The following SVIL variants were observed in gnomAD, a reference collection of about 807,000 sequenced individuals.
The protein encoded by SVIL is supervillin, also known as archvillin.
In SVIL, 101 loss-of-function variants were observed where a neutral mutation model predicts 240.4. The ratio of observed to expected loss-of-function variants is 0.42; its 90% CI spans 0.36 to 0.50. The LOEUF is 0.50. Among genes scored for constraint, SVIL ranks in the 20% least tolerant of loss-of-function variants. The probability of loss-of-function intolerance (pLI) is 0.01; values close to 1 mark genes in which losing one functional copy is unlikely to be tolerated. For synonymous variants in SVIL, 999 were observed against 1,100.0 expected (o/e 0.91, Z 1.82); for missense variants, 2,512 against 2,818.7 (o/e 0.89, Z 2.46).
At chr10:29,533,560 G>A (rs1160046542) in intron 7 of SVIL, 102 bp from the exon 8 acceptor site, 10 of 1,456,328 alleles carry the variant, frequency 6.9e-6, no homozygotes, top group Admixed American at 2.6e-5. Flanking sequence ...AAACTGACCT[G>A]AGAGAGAATA....
intron 1 of SVIL, among the ~76,000 whole-genome samples, chr10:29,702,857 T>C (rs1962624247): frequency 6.6e-6 from 1 of 152,188 alleles, no homozygotes; most frequent in Non-Finnish European, 1.5e-5. Flanking sequence ...AGTTGCCTCC[T>C]TTGACTTCAG....
At chr10:29,601,314 AAATTAT>A (rs1157513545) in intron 1 of SVIL, among the ~76,000 whole-genome samples, 2 of 152,248 alleles carry the variant, frequency 1.3e-5, no homozygotes, top group African/African-American at 4.8e-5. Flanking sequence ...CTGAAACTGA[AAATTAT>A]AAAGCTTAAA....
At chr10:29,490,825 G>C (rs1238092487) in intron 22 of SVIL, 22 bp downstream of exon 22, 5 of 1,611,970 alleles carry the variant, frequency 3.1e-6, no homozygotes, top group African/African-American at 1.3e-5. Context: ...CACAGAAGCA[G>C]GGTGGGGGTT....
Position 29,530,404 on chromosome 10 carries a change from G to A in SVIL, c.2106+203C>T, listed in dbSNP as rs1273832498. On this transcript the variant is annotated intron_variant, in intron 11 of 37. Transcript: ENST00000355867. ...CAGGAGGGCCTTAGCATGCCCAGAG[G>A]TGCATGAAGTAGGCTGGGTCCACAA... 5.3e-5 allele frequency among the ~76,000 whole-genome samples: 8 copies of A among 152,108 alleles called. No individual in the cohort carries two copies. In the South Asian group the frequency reaches 8.3e-4, roughly 16 times the overall value.
chr10:29,473,851 T>C lies in SVIL; in HGVS notation c.5516A>G (p.Glu1839Gly). ...SALMTVELDE[E>G]RGAQVQVLQG... ...CCCAGGACTCACCTGGGCCCCCCTT[T>C]CCTCGTCCAGCTCCACCGTCATCAG... The change falls in exon 30 of 38, where the codon GAA (glutamate) becomes GGA (glycine). Residue 1839 changes from glutamate to glycine, a missense_variant. By Grantham distance (98) the Glu-to-Gly change is moderately conservative. Transcript: ENST00000355867. The C allele has an allele frequency of 6.2e-7, 1 of 1,613,844 alleles. No homozygotes were observed. Among genetic ancestry groups the C allele is most frequent in the Non-Finnish European group, 8.5e-7 (1 of 1,179,940 alleles).
rs767296248 is a variant in SVIL at position 29,467,725 on chromosome 10, T to G, written c.5977+17A>C. 6.2e-7 allele frequency: 1 copy of G among 1,613,610 alleles called. No homozygotes were observed. The highest frequency in any genetic ancestry group is 2.2e-5 in the East Asian group (1 of 44,870). On this transcript the variant is annotated intron_variant, in intron 33 of 37. Transcript: ENST00000355867. ...CAAACAAAAAAACCAGATCGCAGAC[T>G]GTGGATGCCACATTACCTTGAAGCA...
chr10:29,559,829 A>G (rs1490076749), intron 3 of SVIL, among the ~76,000 whole-genome samples: 3 of 152,238 alleles, frequency 2.0e-5, no homozygotes, highest in African/African-American at 7.2e-5. Flanking sequence ...GAAATTTGAT[A>G]GCAGAGCTAT....
At position 29,473,905 on chromosome 10, in the gene SVIL, G is replaced by C; in HGVS notation, c.5462C>G (p.Ser1821Cys). Reference sequence around the variant, plus strand: ...CGACGTGCCCTTCTCACTCACGGTGGAGTGCCGGCCTTGCCAGAAGAAGTA... The same window carrying C: ...CGACGTGCCCTTCTCACTCACGGTGCAGTGCCGGCCTTGCCAGAAGAAGTA... ...CVYFFWQGRH[S>C]TVSEKGTSAL... Residue 1821 changes from serine to cysteine, a missense_variant, in exon 30 of 38, where the codon TCC becomes TGC. By Grantham distance (112) the Ser-to-Cys change is moderately radical. Transcript: ENST00000355867. The C allele has an allele frequency of 3.1e-6, 5 of 1,614,022 alleles. No individual in the cohort carries two copies. Among genetic ancestry groups the C allele is most frequent in the Non-Finnish European group, 4.2e-6 (5 of 1,180,002 alleles).
chr10:29,547,570 A>G (rs532342687), intron 6 of SVIL, among the ~76,000 whole-genome samples: 1 of 152,338 alleles, frequency 6.6e-6, no homozygotes, highest in Admixed American at 6.5e-5. Context: ...ACAGGCCTAA[A>G]TATGTCAACA....
chr10:29,654,962 C>A (rs773518150), intron 3 of SVIL, among the ~76,000 whole-genome samples: 16 of 152,174 alleles, frequency 1.1e-4, no homozygotes, highest in Non-Finnish European at 1.9e-4. Flanking sequence ...AGTGATCACC[C>A]ACATGGAGGG....
At chr10:29,678,633 T>C (rs1960389030) in intron 2 of SVIL, among the ~76,000 whole-genome samples, 1 of 152,218 alleles carries the variant, frequency 6.6e-6, no homozygotes, top group Non-Finnish European at 1.5e-5. Context: ...TGTATGTTGA[T>C]TTAGCCAAGA....
chr10:29,516,855 C>G (rs184536852), intron 16 of SVIL, among the ~76,000 whole-genome samples: 15 of 152,326 alleles, frequency 9.8e-5, no homozygotes, highest in Admixed American at 7.2e-4. Flanking sequence ...TTGTTGAGAA[C>G]AAGGACATCA....
chr10:29,479,659 A>T (rs1016868344), intron 29 of SVIL, among the ~76,000 whole-genome samples: 2 of 152,202 alleles, frequency 1.3e-5, no homozygotes, highest in Non-Finnish European at 2.9e-5. Context: ...TGATGAATAG[A>T]TGCATCTTGT....
intron 29 of SVIL, among the ~76,000 whole-genome samples, chr10:29,474,209 G>T (rs1945912345): frequency 6.6e-6 from 1 of 152,178 alleles, no homozygotes; most frequent in Admixed American, 6.5e-5. Context: ...CTTCCCACAG[G>T]GAGAAAAGGG....
intron 1 of SVIL, among the ~76,000 whole-genome samples, chr10:29,608,753 T>C (rs1009584089): frequency 7.2e-5 from 11 of 152,198 alleles, no homozygotes; most frequent in Admixed American, 3.3e-4. Flanking sequence ...TCAGTGCAGA[T>C]AGCCTGCGTG....
chr10:29,702,206 CT>C (rs1962571376), intron 1 of SVIL, among the ~76,000 whole-genome samples: 1 of 140,332 alleles, frequency 7.1e-6, no homozygotes, highest in Admixed American at 7.1e-5. Flanking sequence ...AAGTAAAGAG[CT>C]TTAAAAGTGT....
chr10:29,482,468 TAATA>T (rs1946991331), intron 27 of SVIL, among the ~76,000 whole-genome samples: 1 of 152,198 alleles, frequency 6.6e-6, no homozygotes, highest in Admixed American at 6.5e-5. Context: ...TCCAATTAAT[TAATA>T]GACATAGGGA....
intron 22 of SVIL, 146 bp downstream of exon 22, chr10:29,490,701 T>C: frequency 2.3e-6 from 2 of 863,020 alleles, no homozygotes; most frequent in Middle Eastern, 3.1e-4. Flanking sequence ...CGTGCACATG[T>C]ATGTGCAAAC....
At chr10:29,522,039 G>A (rs1351394218) in intron 16 of SVIL, among the ~76,000 whole-genome samples, 1 of 152,082 alleles carries the variant, frequency 6.6e-6, no homozygotes, top group African/African-American at 2.4e-5. Flanking sequence ...TATGAACCCT[G>A]TGTATCTAAA....
Sources: gnomAD v4.1 joint callset for allele counts (sites outside exome capture counted in the v4.1 genomes callset) on GRCh38, gnomAD v4.1.1 for gene constraint, MANE v1.5 for transcripts, NCBI Gene and HGNC (gene_info 2026-07-23, HGNC 2026-07-21) for gene names.